The following TIAM1 variants were observed in gnomAD, a reference collection of about 807,000 sequenced individuals.
The protein encoded by TIAM1 is TIAM Rac1 associated GEF 1.
A neutral mutation model predicts 163.5 loss-of-function variants in TIAM1; 65 were observed. The ratio of observed to expected loss-of-function variants is 0.40; its 90% CI spans 0.33 to 0.49. TIAM1 has a LOEUF of 0.49. TIAM1 is among the 20% of genes least tolerant of loss of function. The pLI is 0.77. For missense variants in TIAM1, 1,789 were observed against 2,044.7 expected, an observed-to-expected ratio of 0.87 and a Z score of 2.41; for synonymous variants, 833 against 810.1, an observed-to-expected ratio of 1.03 and a Z score of -0.48.
chr21:31,256,014 G>T (rs979421995), intron 4 of TIAM1, among the ~76,000 whole-genome samples: 1 of 152,174 alleles, frequency 6.6e-6, no homozygotes, highest in African/African-American at 2.4e-5. Flanking sequence ...ACATACAACA[G>T]CTGTGGGCAA....
At chr21:31,528,161 A>C (rs928563758) in intron 1 of TIAM1, among the ~76,000 whole-genome samples, 4 of 152,198 alleles carry the variant, frequency 2.6e-5, no homozygotes. Flanking sequence ...ATCAATGAAA[A>C]TATTTCTTCC....
At chr21:31,251,161 G>T (rs193218996) in intron 5 of TIAM1, among the ~76,000 whole-genome samples, 88 of 152,192 alleles carry the variant, frequency 5.8e-4, no homozygotes, top group East Asian at 1.4e-3. Context: ...AAAAGATTTG[G>T]TTTTTTTGGA....
chr21:31,183,409 G>C (rs900818672), intron 14 of TIAM1, among the ~76,000 whole-genome samples: 5 of 152,184 alleles, frequency 3.3e-5, no homozygotes, highest in Non-Finnish European at 7.3e-5. Flanking sequence ...CTGAGAAATG[G>C]AGAGGGTGGG....
chr21:31,550,667 T>A (rs894443759), intron 1 of TIAM1, among the ~76,000 whole-genome samples: 1 of 151,968 alleles, frequency 6.6e-6, no homozygotes, highest in Non-Finnish European at 1.5e-5. Flanking sequence ...ATAAAAACAA[T>A]CTATAGAGAA....
At chr21:31,173,528 G>C (rs573559101) in intron 15 of TIAM1, among the ~76,000 whole-genome samples, 3 of 129,008 alleles carry the variant, frequency 2.3e-5, no homozygotes, top group African/African-American at 1.1e-4. Flanking sequence ...GAGAGAGCGA[G>C]AGAAAGAGAG....
chr21:31,376,026 CA>C (rs1470038982), intron 2 of TIAM1, among the ~76,000 whole-genome samples: 3 of 129,874 alleles, frequency 2.3e-5, no homozygotes, highest in Admixed American at 1.7e-4. Flanking sequence ...GACTCCACCT[CA>C]AAAAAAATTT....
At chr21:31,524,315 G>A (rs1470791276) in intron 1 of TIAM1, among the ~76,000 whole-genome samples, 1 of 152,142 alleles carries the variant, frequency 6.6e-6, no homozygotes, top group Non-Finnish European at 1.5e-5. Context: ...GAGCAAGAGA[G>A]AGTAGAGGGA....
chr21:31,178,720 G>T (rs2084880714), intron 15 of TIAM1, among the ~76,000 whole-genome samples: 1 of 152,102 alleles, frequency 6.6e-6, no homozygotes, highest in African/African-American at 2.4e-5. Context: ...GAGTCAGTCT[G>T]ATTACCTAAC....
chr21:31,503,826 C>G, intron 1 of TIAM1, among the ~76,000 whole-genome samples: 1 of 150,924 alleles, frequency 6.6e-6, no homozygotes, highest in Non-Finnish European at 1.5e-5. Flanking sequence ...TGAGACATCA[C>G]TAGCCTAAAA....
rs1167586873 is a variant in TIAM1 at position 31,222,700 on chromosome 21, TATA to T, written c.1995+703_1995+705del. Among the ~76,000 whole-genome samples the T allele has an allele frequency of 5.7e-3, 252 of 44,394 alleles. 2 individuals carry two copies. Among genetic ancestry groups the T allele is most frequent in the African/African-American group, 0.015 (115 of 7,642 alleles). The allele number at this position is 44,394 out of a possible 152,430, so 29.1% of individuals were successfully genotyped here. A position where few individuals can be genotyped will look rare whatever the true frequency, so the allele number is the denominator to read the frequency against. On this transcript the variant is annotated intron_variant, in intron 8 of 27. Transcript: ENST00000541036. ...ACATATATATATATATATATATATA[TATA>T]TATATTTTTTTTTTTTTTTTTTTTT...
Position 31,248,515 on chromosome 21 carries a change from G to A in TIAM1, c.1412-2855C>T, listed in dbSNP as rs550745957. Among the ~76,000 whole-genome samples, 9 of 152,058 alleles carry A rather than the reference G, an allele frequency of 5.9e-5. No individual in the cohort carries two copies. The South Asian group carries it at 1.2e-3, about 21-fold the overall frequency. Reference sequence around the variant, plus strand: ...TGGAACATAATCTGTACGTTCTTCCGTTGTCCATGGAAACACTCCAGAGAC... The same window carrying A: ...TGGAACATAATCTGTACGTTCTTCCATTGTCCATGGAAACACTCCAGAGAC... On this transcript the variant is annotated intron_variant, in intron 5 of 27. Coordinates refer to ENST00000541036, the MANE Select transcript of TIAM1 (RefSeq NM_001353694.2).
intron 2 of TIAM1, among the ~76,000 whole-genome samples, chr21:31,377,654 T>G (rs1429253594): frequency 6.6e-6 from 1 of 152,180 alleles, no homozygotes; most frequent in Non-Finnish European, 1.5e-5. Context: ...GACATCACAT[T>G]CCTGCTTTTT....
At chr21:31,416,137 T>G (rs1602226725) in intron 2 of TIAM1, among the ~76,000 whole-genome samples, 1 of 142,580 alleles carries the variant, frequency 7.0e-6, no homozygotes, top group South Asian at 2.1e-4. Context: ...TCTTCTCCCC[T>G]CTCGCCAAAT....
intron 2 of TIAM1, among the ~76,000 whole-genome samples, chr21:31,330,211 C>T (rs2075633938): frequency 6.6e-6 from 1 of 152,160 alleles, no homozygotes; most frequent in African/African-American, 2.4e-5. Context: ...CCTCTCTCCT[C>T]CCTAGCCCCT....
chr21:31,540,797 TAAAAC>T (rs1176764837), intron 1 of TIAM1, among the ~76,000 whole-genome samples: 1 of 152,120 alleles, frequency 6.6e-6, no homozygotes, highest in Non-Finnish European at 1.5e-5. Context: ...TGTAAACACT[TAAAAC>T]AATGTTTAAA....
intron 1 of TIAM1, among the ~76,000 whole-genome samples, chr21:31,535,028 T>C (rs552101050): frequency 8.2e-4 from 125 of 151,802 alleles, no homozygotes; most frequent in African/African-American, 2.8e-3. Flanking sequence ...AGGTCAAAGC[T>C]GCAGTGAGCC....
intron 2 of TIAM1, among the ~76,000 whole-genome samples, chr21:31,405,137 C>G (rs2077225660): frequency 6.6e-6 from 1 of 152,104 alleles, no homozygotes; most frequent in Non-Finnish European, 1.5e-5. Context: ...GTCCCAAGTA[C>G]TCGGAAGGCT....
chr21:31,127,068 C>A lies in TIAM1; in HGVS notation c.4130G>T (p.Cys1377Phe), dbSNP rs202080115. 7 of 1,613,894 alleles carry A rather than the reference C, an allele frequency of 4.3e-6. No homozygotes were observed. The East Asian group carries it at 1.6e-4, about 36-fold the overall frequency. ...GRPERVFHLC[C>F]SSPESRKDFL... ...GACTTTACAGGCCCAGGCTCACCTG[C>A]AGCACAAGTGAAAGACCCTCTCCGG... Residue 1377 changes from cysteine (C) to phenylalanine (F), a missense_variant, in exon 26 of 28, where the codon TGC becomes TTC. By Grantham distance (205) the Cys-to-Phe change is radical (BLOSUM62 -2). This residue lies in a region of TIAM1 where 415 missense variants were observed against 439.2 expected (regional missense o/e 0.94). Transcript: ENST00000541036.
chr21:31,260,661 C>T (rs2072409825), intron 4 of TIAM1, among the ~76,000 whole-genome samples: 1 of 141,450 alleles, frequency 7.1e-6, no homozygotes, highest in Non-Finnish European at 1.5e-5. Context: ...TATCTCATTG[C>T]TTAACTTACG....
Sources: allele counts gnomAD v4.1 joint callset (sites outside exome capture counted in the v4.1 genomes callset), GRCh38; gene constraint gnomAD v4.1.1; regional missense constraint gnomAD v4.1.1; transcripts MANE v1.5; gene names NCBI Gene and HGNC (gene_info 2026-07-23, HGNC 2026-07-21).